The following DOCK1 variants were observed in gnomAD, a reference collection of about 807,000 sequenced individuals.
DOCK1 encodes the protein dedicator of cytokinesis 1.
DOCK1 carries 138 observed loss-of-function variants against 262.7 expected under a neutral mutation model. The observed-to-expected ratio is 0.53, with a 90% CI of 0.46 to 0.61. DOCK1 has a LOEUF of 0.61. DOCK1 is among the 20% of genes least tolerant of loss of function. DOCK1 has a pLI of 0.00. For missense variants in DOCK1, 1,908 were observed against 2,370.7 expected (o/e 0.80, Z 4.05); for synonymous variants, 866 against 867.4 (o/e 1.00, Z 0.03).
chr10:127,068,749 A>G (rs1311035529), intron 23 of DOCK1, among the ~76,000 whole-genome samples: 1 of 152,228 alleles, frequency 6.6e-6, no homozygotes, highest in African/African-American at 2.4e-5. Flanking sequence ...CCACACCTAT[A>G]TATACACACA....
At chr10:127,225,047 C>T (rs555996332) in intron 27 of DOCK1, among the ~76,000 whole-genome samples, 2 of 152,180 alleles carry the variant, frequency 1.3e-5, no homozygotes, top group East Asian at 3.9e-4. Context: ...CAAAATATAT[C>T]CTGAAGTTCA....
intron 23 of DOCK1, among the ~76,000 whole-genome samples, chr10:127,092,349 C>T (rs1043483633): frequency 1.3e-5 from 2 of 152,202 alleles, no homozygotes; most frequent in African/African-American, 4.8e-5. Flanking sequence ...GCTCCCGCCA[C>T]AGGGCCCCAG....
At chr10:127,261,054 T>C (rs1467082505) in intron 29 of DOCK1, among the ~76,000 whole-genome samples, 1 of 104,186 alleles carries the variant, frequency 9.6e-6, no homozygotes, top group Non-Finnish European at 2.0e-5. Context: ...CGTGCTCATG[T>C]GTGTGTGCAT....
intron 1 of DOCK1, among the ~76,000 whole-genome samples, chr10:126,963,608 CCCTTCCCTT>C (rs2037405005): frequency 1.1e-4 from 7 of 63,762 alleles, no homozygotes; most frequent in Admixed American, 2.1e-4. Flanking sequence ...CCCTTCCCTT[CCCTTCCCTT>C]CCCTTCCCTT....
intron 29 of DOCK1, among the ~76,000 whole-genome samples, chr10:127,301,497 G>T (rs1289667054): frequency 6.6e-6 from 1 of 152,174 alleles, no homozygotes; most frequent in Admixed American, 6.5e-5. Flanking sequence ...AAACGGCTTC[G>T]CTTTGCTATT....
At chr10:127,195,523 T>TCCCC (rs144810960) in intron 27 of DOCK1, among the ~76,000 whole-genome samples, 43 of 148,266 alleles carry the variant, frequency 2.9e-4, no homozygotes, top group Middle Eastern at 3.4e-3. Context: ...TTCCAACTCA[T>TCCCC]CCCCCCCCCG....
At chr10:127,276,519 G>A (rs1564958320) in intron 29 of DOCK1, among the ~76,000 whole-genome samples, 2 of 152,234 alleles carry the variant, frequency 1.3e-5, no homozygotes, top group East Asian at 1.9e-4. Flanking sequence ...CTCGCCACCC[G>A]TGCTTTTTGT....
At chr10:127,229,348 T>G (rs933456565) in intron 27 of DOCK1, among the ~76,000 whole-genome samples, 1 of 152,220 alleles carries the variant, frequency 6.6e-6, no homozygotes, top group African/African-American at 2.4e-5. Context: ...TTATTCTGCC[T>G]GTCTAAATGA....
intron 38 of DOCK1, among the ~76,000 whole-genome samples, chr10:127,386,600 C>T (rs2066135505): frequency 6.6e-6 from 1 of 151,750 alleles, no homozygotes; most frequent in South Asian, 2.1e-4. Context: ...TCACTGTCTC[C>T]CATCTTCCCC....
In DOCK1 at chr10:127,437,478, C is replaced by CTT. The variant is rs5788842; in HGVS notation, c.5061-1529_5061-1528dup. Among the ~76,000 whole-genome samples, 42 of 145,968 alleles carry CTT rather than the reference C, an allele frequency of 2.9e-4. No homozygotes were observed. The highest frequency in any genetic ancestry group is 8.8e-4 in the South Asian group (4 of 4,552). On this transcript the variant is annotated intron_variant, in intron 48 of 51. Coordinates refer to ENST00000623213, the MANE Select transcript of DOCK1 (RefSeq NM_001290223.2). The surrounding 1 kb of genome is among the most constrained non-coding windows in gnomAD (Gnocchi z 4.4). Reference sequence around the variant, plus strand: ...GGAGCAAGATTGCTGCAATGACCATCTTTTTTTTTTTTTTTTTTTTTGAGA... The same window carrying CTT: ...GGAGCAAGATTGCTGCAATGACCATCTTTTTTTTTTTTTTTTTTTTTTTGAGA...
intron 1 of DOCK1, among the ~76,000 whole-genome samples, chr10:126,947,167 A>C (rs1166536698): frequency 6.6e-6 from 1 of 152,194 alleles, no homozygotes; most frequent in Admixed American, 6.5e-5. Flanking sequence ...GTGGTATTCC[A>C]TGGTGTTTCT....
intron 27 of DOCK1, among the ~76,000 whole-genome samples, chr10:127,208,652 T>A (rs932524780): frequency 6.6e-6 from 1 of 152,152 alleles, no homozygotes; most frequent in Non-Finnish European, 1.5e-5. Flanking sequence ...AAGCCAAGAT[T>A]TCAAGACCCC....
rs139657241 is a variant in DOCK1 at position 127,342,763 on chromosome 10, C to T, written c.3124-883C>T. 4.7e-3 allele frequency among the ~76,000 whole-genome samples: 668 copies of T among 141,870 alleles called. 1 individual carries two copies. Among genetic ancestry groups the T allele is most frequent in the South Asian group, 0.012 (48 of 4,002 alleles). 93.1% of individuals were successfully genotyped at this position (141,870 alleles called of 152,430 possible). ...CCTACAACTTTCTTCTTCTAAAGGC[C>T]GTTGTCTTTTAAACCGCATATATGT... On this transcript the variant is annotated intron_variant, in intron 30 of 51. Coordinates refer to ENST00000623213, the MANE Select transcript of DOCK1 (RefSeq NM_001290223.2).
intron 23 of DOCK1, among the ~76,000 whole-genome samples, chr10:127,093,320 A>C (rs1167194909): frequency 1.5e-5 from 2 of 131,842 alleles, no homozygotes; most frequent in African/African-American, 5.9e-5. Context: ...ATCTCGGCTC[A>C]CTGCAACTTC....
intron 2 of DOCK1, among the ~76,000 whole-genome samples, chr10:126,972,580 T>C (rs1318298775): frequency 6.6e-6 from 1 of 151,718 alleles, no homozygotes; most frequent in Admixed American, 6.6e-5. Flanking sequence ...AGGTTGGGGG[T>C]GAGAGGGGAA....
chr10:127,419,328 G>A (rs1001409797), intron 45 of DOCK1, among the ~76,000 whole-genome samples: 1 of 152,134 alleles, frequency 6.6e-6, no homozygotes, highest in Non-Finnish European at 1.5e-5. Flanking sequence ...CTGGGCAGGT[G>A]CAGGGGCTAG....
intron 27 of DOCK1, among the ~76,000 whole-genome samples, chr10:127,202,886 C>G (rs1345910450): frequency 6.6e-6 from 1 of 152,142 alleles, no homozygotes; most frequent in Non-Finnish European, 1.5e-5. Flanking sequence ...AACCAGAGGA[C>G]AGATTCTGAC....
intron 33 of DOCK1, among the ~76,000 whole-genome samples, chr10:127,373,037 G>C (rs765956112): frequency 6.6e-6 from 1 of 152,152 alleles, no homozygotes; most frequent in Non-Finnish European, 1.5e-5. Flanking sequence ...CATTGTTATC[G>C]AGGTTTTTTT....
rs114194913 is a variant in DOCK1, at chr10:126,920,716, C to G, written c.46+15153C>G. Among the ~76,000 whole-genome samples, 940 of 152,294 alleles carry G rather than the reference C, an allele frequency of 6.2e-3. 10 individuals carry two copies. Among genetic ancestry groups the G allele is most frequent in the African/African-American group, 0.022 (897 of 41,550 alleles). On this transcript the variant is annotated intron_variant, in intron 1 of 51. Coordinates refer to ENST00000623213, the MANE Select transcript of DOCK1 (RefSeq NM_001290223.2). ...AGGCCAAGAGGCAAAATGGAGGATA[C>G]TATGTTAAGACATTAAACCTAGAAC...
Sources: gnomAD v4.1 joint callset for allele counts (sites outside exome capture counted in the v4.1 genomes callset) on GRCh38, gnomAD v4.1.1 for gene constraint, Gnocchi (gnomAD v3.1) non-coding constraint, MANE v1.5 for transcripts, NCBI Gene and HGNC (gene_info 2026-07-23, HGNC 2026-07-21) for gene names.